Variants in PPP1R12A observed in about 807,000 individuals in gnomAD.
PPP1R12A encodes protein phosphatase 1 regulatory subunit 12A, also known as myosin binding subunit.
In PPP1R12A, 19 loss-of-function variants were observed where a neutral mutation model predicts 139.6. The ratio of observed to expected loss-of-function variants is 0.14; its 90% CI spans 0.09 to 0.20. The LOEUF (loss-of-function observed/expected upper bound fraction) is 0.20, where lower values mean the gene tolerates loss of function less well. Among genes scored for constraint, PPP1R12A ranks in the 10% least tolerant of loss-of-function variants. PPP1R12A has a pLI of 1.00. For missense variants in PPP1R12A, 925 were observed against 1,211.5 expected (o/e 0.76, Z 3.51); for synonymous variants, 427 against 420.6 (o/e 1.02, Z -0.19).
At chr12:79,868,888 T>C (rs1205330428) in intron 2 of PPP1R12A, among the ~76,000 whole-genome samples, 2 of 152,194 alleles carry the variant, frequency 1.3e-5, no homozygotes, top group South Asian at 4.1e-4. Context: ...ACCTGATATA[T>C]ATAGTAAGTG....
chr12:79,797,332 T>C lies in PPP1R12A; in HGVS notation c.2155A>G (p.Thr719Ala). ...TTTTCTTCATTTTCTTGTTCTCTGG[T>C]TCGGGTAGAACGACTTCTTCCTATT... The part of the protein sequence containing the change: ...KTIGRSRSTR[T>A]REQENEEKEK... The change falls in exon 16 of 25, where the codon ACC becomes GCC. Residue 719 changes from threonine to alanine, a missense_variant. Coordinates refer to ENST00000450142, the MANE Select transcript of PPP1R12A (RefSeq NM_002480.3). The C allele has an allele frequency of 6.2e-7, 1 of 1,602,444 alleles. No homozygotes were observed. Among genetic ancestry groups the C allele is most frequent in the Non-Finnish European group, 8.5e-7 (1 of 1,173,882 alleles).
intron 1 of PPP1R12A, among the ~76,000 whole-genome samples, chr12:79,889,304 G>T: frequency 6.6e-6 from 1 of 152,126 alleles, no homozygotes; most frequent in East Asian, 1.9e-4. Context: ...GTAAATGAAT[G>T]TCACAGCAAG....
chr12:79,799,461 T>A (rs1053618263), intron 14 of PPP1R12A, among the ~76,000 whole-genome samples: 4 of 152,340 alleles, frequency 2.6e-5, no homozygotes, highest in East Asian at 3.9e-4. Flanking sequence ...CCCTGCATTC[T>A]TGTCAGTGTG....
chr12:79,865,055 T>C (rs1592735267), intron 2 of PPP1R12A, among the ~76,000 whole-genome samples: 2 of 152,276 alleles, frequency 1.3e-5, no homozygotes, highest in South Asian at 4.1e-4. Context: ...TGAACATCGA[T>C]GTGAAAATCC....
At chr12:79,912,254 C>T (rs1886631955) in intron 1 of PPP1R12A, among the ~76,000 whole-genome samples, 1 of 152,216 alleles carries the variant, frequency 6.6e-6, no homozygotes, top group African/African-American at 2.4e-5. Flanking sequence ...TCTTGTATAA[C>T]ACTTTATATT....
intron 1 of PPP1R12A, among the ~76,000 whole-genome samples, chr12:79,875,562 A>G (rs1883019260): frequency 1.3e-5 from 2 of 152,208 alleles, no homozygotes; most frequent in African/African-American, 4.8e-5. Flanking sequence ...GCTGATGACT[A>G]TTATCTCTGT....
intron 2 of PPP1R12A, among the ~76,000 whole-genome samples, chr12:79,868,620 G>C (rs961192452): frequency 2.0e-5 from 3 of 152,094 alleles, no homozygotes; most frequent in Non-Finnish European, 2.9e-5. Flanking sequence ...GTCTATGAGA[G>C]GGGCCCTGGT....
At chr12:79,791,540 T>C (rs1757748549) in intron 19 of PPP1R12A, among the ~76,000 whole-genome samples, 1 of 152,060 alleles carries the variant, frequency 6.6e-6, no homozygotes. Flanking sequence ...GTTGCCCAGG[T>C]TGGTCTTGAA....
chr12:79,919,752 C>T (rs1363528741), intron 1 of PPP1R12A, among the ~76,000 whole-genome samples: 1 of 152,156 alleles, frequency 6.6e-6, no homozygotes, highest in African/African-American at 2.4e-5. Context: ...TGTTCACCAT[C>T]ATAATTATAG....
At chr12:79,809,678 G>T (rs1874291232) in intron 10 of PPP1R12A, 117 bp downstream of exon 10, 1 of 719,176 alleles carries the variant, frequency 1.4e-6, no homozygotes, top group Admixed American at 2.8e-5. Flanking sequence ...ATTCATTAAG[G>T]TTAATTAACT....
intron 2 of PPP1R12A, among the ~76,000 whole-genome samples, chr12:79,871,929 G>A (rs1000793706): frequency 2.0e-5 from 3 of 152,090 alleles, no homozygotes; most frequent in Non-Finnish European, 4.4e-5. Context: ...GAAAGATGTC[G>A]TATAGTTAGT....
At chr12:79,812,827 T>G (rs1874779518) in intron 9 of PPP1R12A, among the ~76,000 whole-genome samples, 1 of 152,188 alleles carries the variant, frequency 6.6e-6, no homozygotes, top group South Asian at 2.1e-4. Flanking sequence ...TTCAATCTCC[T>G]ATGTTTCAAA....
chr12:79,863,362 C>CA (rs1342397731), intron 2 of PPP1R12A, among the ~76,000 whole-genome samples: 1 of 152,134 alleles, frequency 6.6e-6, no homozygotes, highest in Non-Finnish European at 1.5e-5. Flanking sequence ...ACTGCAAAAA[C>CA]ATGCCAAATT....
chr12:79,864,272 A>C (rs918873300), intron 2 of PPP1R12A, among the ~76,000 whole-genome samples: 4 of 152,228 alleles, frequency 2.6e-5, no homozygotes, highest in African/African-American at 7.2e-5. Flanking sequence ...GCAGAGATAA[A>C]GATGTTCTTT....
At chr12:79,815,240 C>T (rs1047457839) in intron 9 of PPP1R12A, among the ~76,000 whole-genome samples, 3 of 152,094 alleles carry the variant, frequency 2.0e-5, no homozygotes, top group Non-Finnish European at 2.9e-5. Flanking sequence ...GCCAAATACC[C>T]AAAAGATAGA....
intron 24 of PPP1R12A, among the ~76,000 whole-genome samples, chr12:79,776,916 AAAGT>A: frequency 6.6e-6 from 1 of 152,294 alleles, no homozygotes; most frequent in East Asian, 1.9e-4. Context: ...TAACTTGATA[AAAGT>A]AAAACTTCTA....
intron 2 of PPP1R12A, among the ~76,000 whole-genome samples, chr12:79,872,121 G>C (rs1882638471): frequency 1.3e-5 from 2 of 152,060 alleles, no homozygotes; most frequent in Non-Finnish European, 2.9e-5. Context: ...TTACAGAGTA[G>C]AATTCCCATA....
intron 2 of PPP1R12A, among the ~76,000 whole-genome samples, chr12:79,862,396 A>G (rs1881440545): frequency 6.6e-6 from 1 of 152,222 alleles, no homozygotes; most frequent in African/African-American, 2.4e-5. Context: ...TCTAAAAACC[A>G]GAGCACCTCT....
chr12:79,792,922 A>G (rs185971950), intron 19 of PPP1R12A, among the ~76,000 whole-genome samples: 61 of 152,314 alleles, frequency 4.0e-4, no homozygotes, highest in African/African-American at 1.4e-3. Context: ...CTGGCCACCT[A>G]AAGATAAAAT....
Sources: allele counts gnomAD v4.1 joint callset (sites outside exome capture counted in the v4.1 genomes callset), GRCh38; gene constraint gnomAD v4.1.1; transcripts MANE v1.5; gene names NCBI Gene and HGNC (gene_info 2026-07-23, HGNC 2026-07-21).